SGCD: variants seen among roughly 807,000 people sequenced by gnomAD.
SGCD encodes delta-sarcoglycan.
In SGCD, 18 loss-of-function variants were observed where a neutral mutation model predicts 36.6. That is an observed-to-expected ratio of 0.49 (90% CI 0.34 to 0.73). The LOEUF (loss-of-function observed/expected upper bound fraction) is 0.73. Among genes scored for constraint, SGCD ranks in the 30% least tolerant of loss-of-function variants. The pLI, the probability that SGCD is intolerant of heterozygous loss-of-function variation, is 0.01. For missense variants in SGCD, 387 were observed against 346.7 expected, an observed-to-expected ratio of 1.12 and a Z score of -0.92; for synonymous variants, 133 against 130.6, an observed-to-expected ratio of 1.02 and a Z score of -0.12.
At chr5:155,950,444 C>A (rs1434316737) in intron 1 of SGCD, among the ~76,000 whole-genome samples, 2 of 152,180 alleles carry the variant, frequency 1.3e-5, no homozygotes, top group Non-Finnish European at 2.9e-5. Flanking sequence ...CTGATTGGCT[C>A]AGAAGCGGTT....
chr5:155,847,761 G>A, the SGCD span, among the ~76,000 whole-genome samples: 5 of 152,094 alleles, frequency 3.3e-5, no homozygotes, highest in African/African-American at 7.2e-5. Context: ...GCCCTCAGTC[G>A]TTCTAACTCT....
chr5:155,881,295 AAAATAAATAAAT>A (rs6149303), intron 1 of SGCD, among the ~76,000 whole-genome samples: 3 of 145,588 alleles, frequency 2.1e-5, no homozygotes, highest in Non-Finnish European at 3.0e-5. Context: ...ACCTCACCAC[AAAATAAATAAAT>A]AAATAAATAA....
chr5:155,999,522 G>A (rs1312846569), intron 1 of SGCD, among the ~76,000 whole-genome samples: 3 of 152,090 alleles, frequency 2.0e-5, no homozygotes, highest in Non-Finnish European at 4.4e-5. Flanking sequence ...TCTGTGTCAG[G>A]CTTTTTGCTG....
chr5:156,477,834 T>A (rs1239446595), intron 3 of SGCD, among the ~76,000 whole-genome samples: 1 of 152,182 alleles, frequency 6.6e-6, no homozygotes, highest in Non-Finnish European at 1.5e-5. Flanking sequence ...TGTCATTAGG[T>A]GCAAAATGCA....
intron 6 of SGCD, among the ~76,000 whole-genome samples, chr5:156,628,854 T>G (rs555463302): frequency 1.3e-5 from 2 of 152,322 alleles, no homozygotes; most frequent in East Asian, 3.9e-4. Context: ...ATATCAAGTC[T>G]TAGTGCTCCC....
intron 1 of SGCD, among the ~76,000 whole-genome samples, chr5:155,953,081 C>T (rs1368541699): frequency 6.6e-6 from 1 of 152,106 alleles, no homozygotes; most frequent in African/African-American, 2.4e-5. Context: ...TCGCTGACCT[C>T]ACTCGCCCAG....
At chr5:156,416,959 A>G (rs748216944) in intron 3 of SGCD, among the ~76,000 whole-genome samples, 5 of 152,160 alleles carry the variant, frequency 3.3e-5, no homozygotes, top group South Asian at 4.1e-4. Flanking sequence ...AGAATGTACA[A>G]CTTTGGCTCT....
chr5:155,878,050 C>A (rs902362454), intron 1 of SGCD, among the ~76,000 whole-genome samples: 2 of 151,930 alleles, frequency 1.3e-5, no homozygotes, highest in African/African-American at 2.4e-5. Context: ...AGGGAAGGAG[C>A]CATTAGTGTG....
chr5:155,843,832 C>T, the SGCD span, among the ~76,000 whole-genome samples: 2 of 152,140 alleles, frequency 1.3e-5, no homozygotes, highest in African/African-American at 4.8e-5. Flanking sequence ...AGTTCTTGGT[C>T]CCAGGATTTT....
In SGCD at chr5:156,107,204, T is replaced by C. The variant is rs1761670109; in HGVS notation, c.-281-10674T>C. 2.0e-5 allele frequency among the ~76,000 whole-genome samples: 3 copies of C among 152,218 alleles called. No homozygotes were observed. The South Asian group carries it at 6.2e-4, about 31-fold the overall frequency. On this transcript the variant is annotated intron_variant, in intron 1 of 9. Transcript: ENST00000517913. ...AAAGCCGGCAATTATGACTAATTTC[T>C]AATCCTCATTTTAGGAAACAGGCAG... is the stretch of plus-strand genomic sequence containing the variant.
chr5:155,751,573 G>A, the SGCD span, among the ~76,000 whole-genome samples: 3 of 152,156 alleles, frequency 2.0e-5, no homozygotes, highest in South Asian at 2.1e-4. Flanking sequence ...ATTTTTGGTA[G>A]AGATGGGGCT....
chr5:156,225,596 G>A (rs183748125), intron 3 of SGCD, among the ~76,000 whole-genome samples: 183 of 152,168 alleles, frequency 1.2e-3, no homozygotes, highest in African/African-American at 3.2e-3. Flanking sequence ...TGCTGCTGTT[G>A]CTAGATCAGA....
At chr5:156,655,145 C>T (rs1763622906) in intron 7 of SGCD, among the ~76,000 whole-genome samples, 2 of 151,908 alleles carry the variant, frequency 1.3e-5, no homozygotes, top group African/African-American at 2.4e-5. Flanking sequence ...TTCAAAAGAC[C>T]ACAACTTATT....
At chr5:155,961,603 C>T (rs1453480940) in intron 1 of SGCD, among the ~76,000 whole-genome samples, 4 of 152,198 alleles carry the variant, frequency 2.6e-5, no homozygotes, top group Admixed American at 6.5e-5. Flanking sequence ...TGTGTGTTGC[C>T]GTCCTACCAT....
At chr5:156,262,753 C>T (rs573451273) in intron 3 of SGCD, among the ~76,000 whole-genome samples, 2 of 152,218 alleles carry the variant, frequency 1.3e-5, no homozygotes, top group South Asian at 4.1e-4. Context: ...ATCCTCATAG[C>T]TTAGCTTCCA....
intron 2 of SGCD, among the ~76,000 whole-genome samples, chr5:156,338,631 G>A (rs1324324475): frequency 6.6e-6 from 1 of 152,128 alleles, no homozygotes; most frequent in Non-Finnish European, 1.5e-5. Context: ...TCCTTAATTA[G>A]ATGGACAATG....
intron 6 of SGCD, among the ~76,000 whole-genome samples, chr5:156,610,143 T>C (rs1761712878): frequency 1.5e-5 from 2 of 133,652 alleles, no homozygotes; most frequent in Non-Finnish European, 1.6e-5. Context: ...GTTTCCGGTT[T>C]TTCTGCTGTT....
intron 3 of SGCD, among the ~76,000 whole-genome samples, chr5:156,431,166 GC>G (rs1398647679): frequency 6.6e-6 from 1 of 152,136 alleles, no homozygotes; most frequent in Non-Finnish European, 1.5e-5. Context: ...CCACCTCACA[GC>G]CTCATTCCTA....
At chr5:156,072,877 C>T (rs937364856) in intron 1 of SGCD, among the ~76,000 whole-genome samples, 5 of 152,238 alleles carry the variant, frequency 3.3e-5, no homozygotes, top group African/African-American at 1.2e-4. Context: ...TCATTTCATT[C>T]ATTTCATCTT....
Sources: gnomAD v4.1 joint callset for allele counts (sites outside exome capture counted in the v4.1 genomes callset) on GRCh38, gnomAD v4.1.1 for gene constraint, MANE v1.5 for transcripts, NCBI Gene and HGNC (gene_info 2026-07-23, HGNC 2026-07-21) for gene names.